The following CCSER1 variants were observed in gnomAD, a reference collection of about 807,000 sequenced individuals.
The protein encoded by CCSER1 is serine-rich coiled-coil domain-containing protein 1.
A neutral mutation model predicts 82.0 loss-of-function variants in CCSER1; 41 were observed. That is an observed-to-expected ratio of 0.50 (90% CI 0.39 to 0.65). The LOEUF is 0.65. Among genes scored for constraint, CCSER1 ranks in the 30% least tolerant of loss-of-function variants. The probability of loss-of-function intolerance (pLI) is 0.00; values close to 1 mark genes in which losing one functional copy is unlikely to be tolerated. For missense variants in CCSER1, 1,119 were observed against 1,064.2 expected, an observed-to-expected ratio of 1.05 and a Z score of -0.72; for synonymous variants, 414 against 383.9, an observed-to-expected ratio of 1.08 and a Z score of -0.92.
chr4:90,332,049 C>T (rs1739383294), intron 3 of CCSER1, among the ~76,000 whole-genome samples: 1 of 151,890 alleles, frequency 6.6e-6, no homozygotes, highest in Admixed American at 6.6e-5. Flanking sequence ...AATAACAAAA[C>T]TCAGTTGCAT....
chr4:90,612,596 A>C (rs570914682), intron 5 of CCSER1, among the ~76,000 whole-genome samples: 3 of 152,294 alleles, frequency 2.0e-5, no homozygotes, highest in Admixed American at 2.0e-4. Context: ...AAGCCACTTC[A>C]TTCTCCCTAG....
At chr4:90,566,860 C>T (rs987965973) in intron 5 of CCSER1, among the ~76,000 whole-genome samples, 2 of 152,028 alleles carry the variant, frequency 1.3e-5, no homozygotes, top group African/African-American at 4.8e-5. Flanking sequence ...TCTCGGCCTC[C>T]CAAAGTGCTG....
chr4:91,595,545 T>G (rs1268580033), intron 10 of CCSER1, among the ~76,000 whole-genome samples: 1 of 152,124 alleles, frequency 6.6e-6, no homozygotes, highest in Non-Finnish European at 1.5e-5. Flanking sequence ...TTGTTGTGAT[T>G]AAGGTAACTA....
intron 10 of CCSER1, among the ~76,000 whole-genome samples, chr4:91,331,528 G>C (rs923355326): frequency 1.3e-4 from 19 of 152,000 alleles, no homozygotes; most frequent in African/African-American, 4.1e-4. Context: ...CAAGACATTT[G>C]ACCTTACCCT....
At chr4:91,034,127 C>T (rs1313457017) in intron 9 of CCSER1, among the ~76,000 whole-genome samples, 2 of 152,128 alleles carry the variant, frequency 1.3e-5, no homozygotes, top group African/African-American at 4.8e-5. Context: ...GGATCTCTTC[C>T]TGTAGTCTCT....
intron 10 of CCSER1, among the ~76,000 whole-genome samples, chr4:91,125,357 T>C (rs1581602391): frequency 6.6e-6 from 1 of 151,730 alleles, no homozygotes; most frequent in Non-Finnish European, 1.5e-5. Context: ...TTTAGTAGTA[T>C]GGAAGATTTT....
chr4:90,448,890 G>A (rs145683712), intron 4 of CCSER1, among the ~76,000 whole-genome samples: 20 of 152,152 alleles, frequency 1.3e-4, no homozygotes, highest in African/African-American at 4.6e-4. Context: ...CCCTCCATTA[G>A]GCAGGTCCCG....
At chr4:90,581,575 T>G (rs2148638590) in intron 5 of CCSER1, among the ~76,000 whole-genome samples, 1 of 152,298 alleles carries the variant, frequency 6.6e-6, no homozygotes, top group Middle Eastern at 3.4e-3. Flanking sequence ...ATTATTTAAT[T>G]AGCACCTAAA....
At chr4:90,202,903 G>T in intron 1 of CCSER1, among the ~76,000 whole-genome samples, 2 of 152,238 alleles carry the variant, frequency 1.3e-5, no homozygotes, top group South Asian at 4.1e-4. Context: ...ACAGTACTTT[G>T]TTTGTAACTC....
At chr4:90,575,071 T>G (rs983240439) in intron 5 of CCSER1, among the ~76,000 whole-genome samples, 4 of 152,242 alleles carry the variant, frequency 2.6e-5, no homozygotes, top group African/African-American at 9.6e-5. Context: ...TTTCTCCTTA[T>G]TCCTTTTGCT....
chr4:91,565,549 ATT>A (rs1235790420), intron 10 of CCSER1, among the ~76,000 whole-genome samples: 2 of 151,810 alleles, frequency 1.3e-5, no homozygotes, highest in Admixed American at 1.3e-4. Flanking sequence ...TTTTTTTTCC[ATT>A]TGTTTGTATC....
chr4:90,283,589 C>G (rs1259878060), intron 1 of CCSER1, among the ~76,000 whole-genome samples: 1 of 151,988 alleles, frequency 6.6e-6, no homozygotes, highest in Non-Finnish European at 1.5e-5. Flanking sequence ...CCTTATTGTG[C>G]TATTGAACAT....
intron 10 of CCSER1, among the ~76,000 whole-genome samples, chr4:91,132,138 A>G (rs1728051954): frequency 6.6e-6 from 1 of 152,104 alleles, no homozygotes; most frequent in Non-Finnish European, 1.5e-5. Flanking sequence ...ATGAATAAAG[A>G]ATATATTCAT....
chr4:90,236,892 C>A (rs144742969), intron 1 of CCSER1, among the ~76,000 whole-genome samples: 1 of 151,766 alleles, frequency 6.6e-6, no homozygotes. Flanking sequence ...ATATTTAGCA[C>A]GCATTTTTCT....
intron 3 of CCSER1, among the ~76,000 whole-genome samples, chr4:90,393,857 C>T (rs1196613205): frequency 2.1e-5 from 3 of 144,788 alleles, no homozygotes; most frequent in East Asian, 2.1e-4. Flanking sequence ...TGACTCACTG[C>T]AGCCTCCAAG....
At chr4:91,104,725 A>G (rs962465954) in intron 10 of CCSER1, among the ~76,000 whole-genome samples, 2 of 152,202 alleles carry the variant, frequency 1.3e-5, no homozygotes, top group African/African-American at 4.8e-5. Context: ...GCTCAAAATC[A>G]GCAGGTTTAG....
chr4:91,116,489 T>C lies in CCSER1; in HGVS notation c.2217+30495T>C, dbSNP rs550544416. Among the ~76,000 whole-genome samples, 25 of 152,294 alleles carry C rather than the reference T, an allele frequency of 1.6e-4. 1 individual carries two copies. In the South Asian group the frequency reaches 5.0e-3, roughly 30 times the overall value. ...CTCTTGTAATAACAACAGCAAAGAA[T>C]TAGAAACAGTAATGAGCCTCAGTTT... is the stretch of plus-strand genomic sequence containing the variant. On this transcript the variant is annotated intron_variant, in intron 10 of 10. Coordinates refer to ENST00000509176, the MANE Select transcript of CCSER1 (RefSeq NM_001145065.2).
chr4:91,363,261 G>A (rs995436294), intron 10 of CCSER1, among the ~76,000 whole-genome samples: 1 of 151,540 alleles, frequency 6.6e-6, no homozygotes, highest in Non-Finnish European at 1.5e-5. Context: ...AAGACCTATA[G>A]TTTACGTCTA....
At chr4:90,261,304 T>C (rs1490533596) in intron 1 of CCSER1, among the ~76,000 whole-genome samples, 2 of 151,920 alleles carry the variant, frequency 1.3e-5, no homozygotes, top group Non-Finnish European at 1.5e-5. Context: ...TAGTGGCAAA[T>C]ACCCTCAGCA....
Sources: gnomAD v4.1 joint callset for allele counts (sites outside exome capture counted in the v4.1 genomes callset) on GRCh38, gnomAD v4.1.1 for gene constraint, MANE v1.5 for transcripts, NCBI Gene and HGNC (gene_info 2026-07-23, HGNC 2026-07-21) for gene names.